The following PTPRD variants were observed in gnomAD, a reference collection of about 807,000 sequenced individuals.
The protein encoded by PTPRD is receptor-type tyrosine-protein phosphatase delta.
Under a neutral mutation model 214.5 loss-of-function variants are expected in PTPRD, and 34 were observed. That is an observed-to-expected ratio of 0.16 (90% confidence interval 0.12 to 0.21). The LOEUF is 0.21. Ranked by LOEUF, PTPRD falls within the 10% of genes least tolerant of loss-of-function variation. The pLI is 1.00. For missense variants in PTPRD, 2,545 were observed against 2,398.7 expected (o/e 1.06, Z -1.27); for synonymous variants, 1,128 against 845.7 (o/e 1.33, Z -5.79).
intron 14 of PTPRD, among the ~76,000 whole-genome samples, chr9:8,626,358 A>C (rs1165531300): frequency 6.6e-6 from 1 of 151,812 alleles, no homozygotes; most frequent in Non-Finnish European, 1.5e-5. Context: ...TTTCTCACTT[A>C]TTAGGTTTAT....
intron 11 of PTPRD, among the ~76,000 whole-genome samples, chr9:8,954,884 T>C (rs2154309764): frequency 6.6e-6 from 1 of 152,028 alleles, no homozygotes; most frequent in South Asian, 2.1e-4. Flanking sequence ...CTATAGCTTA[T>C]CTTAAAGAAA....
chr9:9,083,053 T>C (rs2099761583), intron 10 of PTPRD, among the ~76,000 whole-genome samples: 1 of 152,154 alleles, frequency 6.6e-6, no homozygotes, highest in African/African-American at 2.4e-5. Context: ...AAAAACTACC[T>C]TAAATTTCAT....
intron 7 of PTPRD, among the ~76,000 whole-genome samples, chr9:9,693,031 G>A (rs1389773929): frequency 6.6e-6 from 1 of 151,920 alleles, no homozygotes; most frequent in Admixed American, 6.6e-5. Flanking sequence ...AGAGTCTTTA[G>A]GATTCTCAAA....
intron 21 of PTPRD, 118 bp downstream of exon 21, chr9:8,517,730 C>T (rs1257952941): frequency 2.5e-6 from 2 of 808,562 alleles, no homozygotes; most frequent in South Asian, 1.8e-5. Flanking sequence ...TGCTTTGAAG[C>T]CCTAAATCTC....
chr9:8,530,413 G>A (rs1009785410), intron 14 of PTPRD, among the ~76,000 whole-genome samples: 1 of 152,040 alleles, frequency 6.6e-6, no homozygotes, highest in South Asian at 2.1e-4. Context: ...AAGCCACGCA[G>A]CCAAAGTCAC....
chr9:10,068,163 C>A (rs567383643), intron 3 of PTPRD, among the ~76,000 whole-genome samples: 26 of 151,904 alleles, frequency 1.7e-4, no homozygotes, highest in African/African-American at 6.3e-4. Context: ...ACAAGAAAGA[C>A]AACTGGTTGC....
rs140133761 is a variant in PTPRD at position 9,500,367 on chromosome 9, A to G, written c.-237+74365T>C. On this transcript the variant is annotated intron_variant, in intron 8 of 45. Transcript: ENST00000381196. ...GTAATGATTTTTGAAGGATAACAAA[A>G]TGAATTAGGTTCTACATTTCCTTGG... is the stretch of plus-strand genomic sequence containing the variant. Among the ~76,000 whole-genome samples, 546 of 152,226 alleles carry G rather than the reference A, an allele frequency of 3.6e-3. 1 individual carries two copies. The highest frequency in any genetic ancestry group is 0.012 in the African/African-American group (493 of 41,550).
At chr9:8,536,548 C>A (rs897664005) in intron 14 of PTPRD, among the ~76,000 whole-genome samples, 1 of 151,864 alleles carries the variant, frequency 6.6e-6, no homozygotes, top group African/African-American at 2.4e-5. Context: ...TTAGCCAGTA[C>A]AAGGTAGATG....
At chr9:10,388,688 G>A (rs2097980815) in intron 2 of PTPRD, among the ~76,000 whole-genome samples, 1 of 151,934 alleles carries the variant, frequency 6.6e-6, no homozygotes, top group Non-Finnish European at 1.5e-5. Context: ...CAGCAAACCT[G>A]GGTTTGAGTC....
chr9:8,797,661 T>A (rs762280207), intron 11 of PTPRD, among the ~76,000 whole-genome samples: 4 of 152,146 alleles, frequency 2.6e-5, no homozygotes, highest in African/African-American at 7.2e-5. Flanking sequence ...ACCAACTACA[T>A]GTGATTTTCC....
At chr9:9,281,519 G>A (rs535943883) in intron 9 of PTPRD, among the ~76,000 whole-genome samples, 1 of 151,358 alleles carries the variant, frequency 6.6e-6, no homozygotes, top group South Asian at 2.1e-4. Flanking sequence ...AGGTCCTTAG[G>A]AAATTGCAAA....
chr9:10,061,677 G>T (rs2097779654), intron 3 of PTPRD, among the ~76,000 whole-genome samples: 1 of 152,022 alleles, frequency 6.6e-6, no homozygotes, highest in Admixed American at 6.6e-5. Context: ...GATTTATCCA[G>T]CCAGAAAGGG....
chr9:8,655,903 CCTTGTTCGAGAAT>C (rs1319061631), intron 12 of PTPRD, among the ~76,000 whole-genome samples: 1 of 152,184 alleles, frequency 6.6e-6, no homozygotes, highest in East Asian at 1.9e-4. Context: ...CAGGCCATGA[CCTTGTTCGAGAAT>C]CTTCCATGGT....
At chr9:10,172,776 A>G (rs2099218233) in intron 3 of PTPRD, among the ~76,000 whole-genome samples, 1 of 152,306 alleles carries the variant, frequency 6.6e-6, no homozygotes, top group African/African-American at 2.4e-5. Context: ...TGCTAGTGAT[A>G]CCCAGGCCAC....
intron 3 of PTPRD, among the ~76,000 whole-genome samples, chr9:10,136,137 G>A (rs1178478020): frequency 6.6e-6 from 1 of 151,466 alleles, no homozygotes; most frequent in Non-Finnish European, 1.5e-5. Flanking sequence ...AAAGGACAGA[G>A]CAAGACATTA....
chr9:8,862,647 ATGT>A lies in PTPRD; in HGVS notation c.-103-128704_-103-128702del, dbSNP rs145267214. On this transcript the variant is annotated intron_variant, in intron 11 of 45. Coordinates refer to ENST00000381196, the MANE Select transcript of PTPRD (RefSeq NM_002839.4). ...AGGAGGCAGCTGGAGATTTTGAGACATGTTGTGCAATCATTTATGCTTTCTTTT... is the reference window on the plus strand; with the variant it reads ...AGGAGGCAGCTGGAGATTTTGAGACATGTGCAATCATTTATGCTTTCTTTT... Among the ~76,000 whole-genome samples, 378 of 152,334 alleles carry A rather than the reference ATGT, an allele frequency of 2.5e-3. 3 individuals are homozygous for A. The highest frequency in any genetic ancestry group is 8.2e-3 in the African/African-American group (341 of 41,574).
chr9:9,692,036 G>A (rs1162738921), intron 7 of PTPRD, among the ~76,000 whole-genome samples: 3 of 152,118 alleles, frequency 2.0e-5, no homozygotes, highest in East Asian at 1.9e-4. Context: ...CTCCTGTCAA[G>A]TGAGTAGTTT....
chr9:9,314,875 T>G (rs368593237), intron 9 of PTPRD, among the ~76,000 whole-genome samples: 1 of 152,026 alleles, frequency 6.6e-6, no homozygotes, highest in African/African-American at 2.4e-5. Context: ...AAGGACCTTT[T>G]TTTCCTCGTC....
intron 8 of PTPRD, among the ~76,000 whole-genome samples, chr9:9,412,293 A>G (rs1556523): frequency 0.81 from 122,908 of 152,014 alleles, 49,817 homozygotes; most frequent in Non-Finnish European, 0.82. Flanking sequence ...GGCAAGTGAC[A>G]AGTGTAATAT....
Sources: allele counts gnomAD v4.1 joint callset (sites outside exome capture counted in the v4.1 genomes callset), GRCh38; gene constraint gnomAD v4.1.1; transcripts MANE v1.5; gene names NCBI Gene and HGNC (gene_info 2026-07-23, HGNC 2026-07-21).